Variants in AP4S1 observed in about 807,000 individuals in gnomAD.
The protein encoded by AP4S1 is AP-4 complex subunit sigma-1.
Under a neutral mutation model 19.8 loss-of-function variants are expected in AP4S1, and 23 were observed. The ratio of observed to expected loss-of-function variants is 1.16; its 90% CI spans 0.84 to 1.65. The LOEUF is 1.65. AP4S1 is among the 40% of genes most tolerant of loss of function. The pLI is 0.00. For missense variants in AP4S1, 166 were observed against 172.8 expected, an observed-to-expected ratio of 0.96 and a Z score of 0.22; for synonymous variants, 46 against 54.1, an observed-to-expected ratio of 0.85 and a Z score of 0.66.
chr14:31,088,892 C>A (rs1196616336), intron 5 of AP4S1, among the ~76,000 whole-genome samples: 1 of 151,110 alleles, frequency 6.6e-6, no homozygotes, highest in African/African-American at 2.4e-5. Context: ...CACAGTGGCT[C>A]ATGCTTGTAA....
chr14:31,026,335 A>G (rs1044939034), intron 1 of AP4S1: 23 of 725,594 alleles, frequency 3.2e-5, no homozygotes, highest in Admixed American at 9.4e-5. Context: ...CGTGGGTCAG[A>G]GCAGGGAGCT....
chr14:31,051,534 T>G (rs1173525891), intron 1 of AP4S1, among the ~76,000 whole-genome samples: 1 of 152,178 alleles, frequency 6.6e-6, no homozygotes, highest in Admixed American at 6.6e-5. Flanking sequence ...TACAAAAATC[T>G]TTATCTATTT....
At chr14:31,065,988 G>T in intron 1 of AP4S1, 138 bp from the exon 2 acceptor site, 1 of 492,032 alleles carries the variant, frequency 2.0e-6, no homozygotes, top group South Asian at 2.3e-5. Context: ...ACCTCAATTA[G>T]TTCATAGGAA....
chr14:31,074,859 A>G (rs1260611812), intron 4 of AP4S1, among the ~76,000 whole-genome samples: 5 of 151,896 alleles, frequency 3.3e-5, no homozygotes, highest in Non-Finnish European at 5.9e-5. Context: ...CCAGTGATCT[A>G]TCTTTTTTTC....
At chr14:31,061,464 C>A (rs1488944709) in intron 1 of AP4S1, among the ~76,000 whole-genome samples, 1 of 152,188 alleles carries the variant, frequency 6.6e-6, no homozygotes, top group African/African-American at 2.4e-5. Flanking sequence ...AGCAAACTGA[C>A]TCTTAACAGA....
In AP4S1 at chr14:31,047,537, G is replaced by A. The variant is rs143215707; in HGVS notation, c.-71-18589G>A. ...AGAGTAGCTGGGACTACATACAGGC[G>A]CCCGCCACAATGCCTGGCTAATTTT... On this transcript the variant is annotated intron_variant, in intron 1 of 5. Transcript: ENST00000542754. Among the ~76,000 whole-genome samples the A allele has an allele frequency of 4.1e-3, 627 of 151,656 alleles. 5 individuals are homozygous for A. Among genetic ancestry groups the A allele is most frequent in the African/African-American group, 0.014 (593 of 41,412 alleles).
chr14:31,049,428 A>AAAAAAAATATATATAT (rs1384450221), intron 1 of AP4S1, among the ~76,000 whole-genome samples: 2 of 57,766 alleles, frequency 3.5e-5, no homozygotes, highest in Non-Finnish European at 5.8e-5. Flanking sequence ...AAAAAAAAAA[A>AAAAAAAATATATATAT]ATATATATAT....
At chr14:31,030,087 C>T (rs1380470602) in intron 1 of AP4S1, among the ~76,000 whole-genome samples, 1 of 151,916 alleles carries the variant, frequency 6.6e-6, no homozygotes, top group Non-Finnish European at 1.5e-5. Context: ...CTCAAGCGAT[C>T]CTCCCACCTC....
chr14:31,049,760 C>G (rs1173639450), intron 1 of AP4S1, among the ~76,000 whole-genome samples: 1 of 150,148 alleles, frequency 6.7e-6, no homozygotes, highest in African/African-American at 2.5e-5. Context: ...CCACCATACA[C>G]GGCTAATTTT....
At chr14:31,032,349 G>A (rs1288057877) in intron 1 of AP4S1, among the ~76,000 whole-genome samples, 1 of 152,074 alleles carries the variant, frequency 6.6e-6, no homozygotes, top group African/African-American at 2.4e-5. Flanking sequence ...TATTTCATGT[G>A]CATGTATGAT....
At chr14:31,085,621 A>T (rs566947495) in intron 5 of AP4S1, 2 of 796,874 alleles carry the variant, frequency 2.5e-6, no homozygotes, top group Admixed American at 6.2e-5. Context: ...AAAAAAATTT[A>T]AAAAGCCAGG....
At chr14:31,030,393 A>G (rs1438186107) in intron 1 of AP4S1, among the ~76,000 whole-genome samples, 2 of 152,196 alleles carry the variant, frequency 1.3e-5, no homozygotes, top group African/African-American at 4.8e-5. Context: ...TTTTTTGTAC[A>G]GAGGGAATCT....
chr14:31,075,639 T>A lies in AP4S1; in HGVS notation c.294+2666T>A, dbSNP rs530221589. On this transcript the variant is annotated intron_variant, in intron 4 of 5. Transcript: ENST00000542754. ...ATTTTTGTGTGACTGGCTTCTTTCA[T>A]TGAGTGTAGTGTTTTCAAGATCCAT... Among the ~76,000 whole-genome samples the A allele has an allele frequency of 2.6e-5, 4 of 152,328 alleles. No individual in the cohort carries two copies. In the East Asian group the frequency reaches 7.7e-4, roughly 29 times the overall value.
At chr14:31,053,669 C>T (rs1207438194) in intron 1 of AP4S1, among the ~76,000 whole-genome samples, 3 of 117,318 alleles carry the variant, frequency 2.6e-5, no homozygotes, top group Admixed American at 1.2e-4. Flanking sequence ...CTTCTGGCCT[C>T]AAGTGATCAT....
At chr14:31,063,580 A>T (rs71417944) in intron 1 of AP4S1, among the ~76,000 whole-genome samples, 2,452 of 152,274 alleles carry the variant, frequency 0.016, 26 homozygotes, top group Admixed American at 0.024. Context: ...TGATTGTACC[A>T]CTGTACTCCA....
intron 1 of AP4S1, among the ~76,000 whole-genome samples, chr14:31,043,663 C>A (rs570622845): frequency 4.6e-5 from 7 of 152,194 alleles, no homozygotes; most frequent in Non-Finnish European, 8.8e-5. Context: ...ACTGAATCAT[C>A]GTAGAATTCA....
chr14:31,074,376 G>GGCGCGGTGGCTGACGCCT (rs1887236084), intron 4 of AP4S1, among the ~76,000 whole-genome samples: 4 of 144,950 alleles, frequency 2.8e-5, no homozygotes, highest in Non-Finnish European at 6.0e-5. Flanking sequence ...AAGTAAGCTG[G>GGCGCGGTGGCTGACGCCT]GCGCGGTGGC....
intron 1 of AP4S1, among the ~76,000 whole-genome samples, chr14:31,028,608 C>A (rs985474831): frequency 5.9e-5 from 9 of 151,822 alleles, no homozygotes; most frequent in Non-Finnish European, 1.3e-4. Flanking sequence ...CACACACACA[C>A]ACACACACAC....
intron 5 of AP4S1, 75 bp from the exon 6 acceptor site, chr14:31,092,832 C>T (rs1172300882): frequency 8.5e-7 from 1 of 1,174,872 alleles, no homozygotes; most frequent in East Asian, 2.7e-5. Flanking sequence ...TGGGAACACT[C>T]TAGGTTAAGC....
Sources: gnomAD v4.1 joint callset for allele counts (sites outside exome capture counted in the v4.1 genomes callset) on GRCh38, gnomAD v4.1.1 for gene constraint, MANE v1.5 for transcripts, NCBI Gene and HGNC (gene_info 2026-07-23, HGNC 2026-07-21) for gene names.